CDH18: variants seen among roughly 807,000 people sequenced by gnomAD.
The protein encoded by CDH18 is cadherin-18.
A neutral mutation model predicts 67.9 loss-of-function variants in CDH18; 31 were observed. The observed-to-expected ratio is 0.46, with a 90% CI of 0.34 to 0.62. The LOEUF (loss-of-function observed/expected upper bound fraction) is 0.62, where lower values mean the gene tolerates loss of function less well. CDH18 is among the 20% of genes least tolerant of loss of function. CDH18 has a pLI of 0.01. For synonymous variants in CDH18, 362 were observed against 347.2 expected (o/e 1.04, Z -0.48); for missense variants, 890 against 975.5 (o/e 0.91, Z 1.17).
In CDH18 at chr5:19,575,142, G is replaced by A. The variant is rs1312228530; in HGVS notation, c.1000-3310C>T. 2.0e-5 allele frequency among the ~76,000 whole-genome samples: 3 copies of A among 152,280 alleles called. No individual in the cohort carries two copies. The East Asian group carries it at 5.8e-4, about 29-fold the overall frequency. On this transcript the variant is annotated intron_variant, in intron 7 of 12. Coordinates refer to ENST00000382275, the MANE Select transcript of CDH18 (RefSeq NM_004934.5). ...AATCATTTAAACTACTGGATGCCCAGTTACATTTAAATTTAGGATAAACTG... is the reference window on the plus strand; with the variant it reads ...AATCATTTAAACTACTGGATGCCCAATTACATTTAAATTTAGGATAAACTG...
chr5:19,938,007 C>CTATA (rs935258012), intron 2 of CDH18, among the ~76,000 whole-genome samples: 3 of 145,728 alleles, frequency 2.1e-5, no homozygotes, highest in Non-Finnish European at 4.5e-5. Context: ...AATATATTTG[C>CTATA]TATATATATA....
intron 2 of CDH18, among the ~76,000 whole-genome samples, chr5:20,080,672 C>A (rs1024185894): frequency 6.6e-6 from 1 of 150,668 alleles, no homozygotes; most frequent in African/African-American, 2.4e-5. Context: ...AGTAGTAAAA[C>A]AAACTATAAT....
intron 1 of CDH18, among the ~76,000 whole-genome samples, chr5:20,422,365 C>G (rs11750639): frequency 0.12 from 18,821 of 150,758 alleles, 1,714 homozygotes; most frequent in Middle Eastern, 0.2. Context: ...AAATAAAGTA[C>G]ACTTTCAAAA....
intron 2 of CDH18, among the ~76,000 whole-genome samples, chr5:20,194,931 T>A (rs1738851572): frequency 6.6e-6 from 1 of 152,098 alleles, no homozygotes; most frequent in African/African-American, 2.4e-5. Flanking sequence ...ATAGTCAGAT[T>A]CTGTTTCAAT....
chr5:20,412,262 A>G (rs1746851161), intron 1 of CDH18, among the ~76,000 whole-genome samples: 1 of 152,152 alleles, frequency 6.6e-6, no homozygotes, highest in Non-Finnish European at 1.5e-5. Flanking sequence ...AAAATAAACA[A>G]TAGGGAAAGG....
At chr5:19,653,911 C>T (rs1755943747) in intron 5 of CDH18, among the ~76,000 whole-genome samples, 1 of 152,178 alleles carries the variant, frequency 6.6e-6, no homozygotes, top group African/African-American at 2.4e-5. Context: ...TATGCTGCCA[C>T]TTCTCACCAA....
chr5:20,173,155 C>T (rs1181183290), intron 2 of CDH18, among the ~76,000 whole-genome samples: 1 of 152,098 alleles, frequency 6.6e-6, no homozygotes, highest in Non-Finnish European at 1.5e-5. Flanking sequence ...TGTGGAACCC[C>T]CATGGCTGCT....
chr5:19,566,047 T>A (rs868056645), intron 8 of CDH18, among the ~76,000 whole-genome samples: 1 of 151,974 alleles, frequency 6.6e-6, no homozygotes, highest in Middle Eastern at 3.4e-3. Flanking sequence ...ATAATCTGAA[T>A]AAAAAATGGG....
At chr5:19,972,753 A>T (rs1351253013) in intron 2 of CDH18, among the ~76,000 whole-genome samples, 1 of 152,050 alleles carries the variant, frequency 6.6e-6, no homozygotes, top group Non-Finnish European at 1.5e-5. Flanking sequence ...AACTTATAAC[A>T]TAACAATTCT....
intron 2 of CDH18, among the ~76,000 whole-genome samples, chr5:20,240,281 A>AAGTT (rs10676658): frequency 0.23 from 24,355 of 104,290 alleles, 3,188 homozygotes; most frequent in African/African-American, 0.48. Context: ...TACTAAAAAA[A>AAGTT]AGTTGGCAAT....
At chr5:20,508,481 A>T (rs916612685) in intron 1 of CDH18, among the ~76,000 whole-genome samples, 2 of 151,112 alleles carry the variant, frequency 1.3e-5, no homozygotes, top group Non-Finnish European at 3.0e-5. Context: ...ATAATTAAGT[A>T]GAGTTTATTT....
At chr5:19,753,134 C>G (rs2149676132) in intron 3 of CDH18, among the ~76,000 whole-genome samples, 1 of 152,184 alleles carries the variant, frequency 6.6e-6, no homozygotes, top group East Asian at 1.9e-4. Context: ...TTAACACCCC[C>G]AAAAATCCTA....
At chr5:19,666,245 T>G (rs1039591547) in intron 5 of CDH18, among the ~76,000 whole-genome samples, 7 of 132,622 alleles carry the variant, frequency 5.3e-5, no homozygotes, top group African/African-American at 2.1e-4. Flanking sequence ...TTTTTATTAT[T>G]ATTATTATTA....
intron 7 of CDH18, among the ~76,000 whole-genome samples, chr5:19,582,325 C>T (rs1018453435): frequency 2.6e-5 from 4 of 151,908 alleles, no homozygotes; most frequent in Admixed American, 6.6e-5. Flanking sequence ...CAAGATGTTT[C>T]GTCAGATCAT....
intron 2 of CDH18, among the ~76,000 whole-genome samples, chr5:20,098,684 G>T (rs547837636): frequency 6.6e-6 from 1 of 151,972 alleles, no homozygotes; most frequent in African/African-American, 2.4e-5. Flanking sequence ...AAACTTCAAA[G>T]AATATACTAC....
intron 1 of CDH18, among the ~76,000 whole-genome samples, chr5:20,383,349 A>C (rs1744066001): frequency 6.6e-6 from 1 of 152,184 alleles, no homozygotes; most frequent in Non-Finnish European, 1.5e-5. Context: ...ATAATTTGTC[A>C]CTGTCCATAT....
At chr5:19,807,184 G>A (rs180710172) in intron 3 of CDH18, among the ~76,000 whole-genome samples, 118 of 152,258 alleles carry the variant, frequency 7.7e-4, no homozygotes, top group African/African-American at 2.6e-3. Flanking sequence ...TGTGGTGGGG[G>A]TAGAGAGAGC....
intron 1 of CDH18, among the ~76,000 whole-genome samples, chr5:20,557,573 T>A (rs1757973121): frequency 6.6e-6 from 1 of 152,018 alleles, no homozygotes; most frequent in Non-Finnish European, 1.5e-5. Flanking sequence ...TATCCCTCAC[T>A]GATAAAACTA....
intron 9 of CDH18, among the ~76,000 whole-genome samples, chr5:19,539,875 A>G (rs1749973951): frequency 6.6e-6 from 1 of 152,056 alleles, no homozygotes. Flanking sequence ...TTGTGTGGGG[A>G]CACACAGCCA....
Sources: allele counts gnomAD v4.1 joint callset (sites outside exome capture counted in the v4.1 genomes callset), GRCh38; gene constraint gnomAD v4.1.1; transcripts MANE v1.5; gene names NCBI Gene and HGNC (gene_info 2026-07-23, HGNC 2026-07-21).